ASIC2: variants seen among roughly 807,000 people sequenced by gnomAD.
ASIC2 encodes acid sensing ion channel subunit 2.
Under a neutral mutation model 57.3 loss-of-function variants are expected in ASIC2, and 25 were observed. The observed-to-expected ratio is 0.44, with a 90% CI of 0.32 to 0.61. The LOEUF (loss-of-function observed/expected upper bound fraction) is 0.61. Ranked by LOEUF, ASIC2 falls within the 20% of genes least tolerant of loss-of-function variation. ASIC2 has a pLI of 0.06. For missense variants in ASIC2, 641 were observed against 738.1 expected (o/e 0.87, Z 1.52); for synonymous variants, 319 against 307.5 (o/e 1.04, Z -0.39).
chr17:33,892,864 C>T (rs972363668), intron 1 of ASIC2, among the ~76,000 whole-genome samples: 3 of 152,140 alleles, frequency 2.0e-5, no homozygotes, highest in Non-Finnish European at 2.9e-5. Flanking sequence ...AATAGATTAG[C>T]AGCAGCGAAC....
chr17:33,495,614 A>G (rs1243084647), intron 1 of ASIC2, among the ~76,000 whole-genome samples: 1 of 152,130 alleles, frequency 6.6e-6, no homozygotes, highest in African/African-American at 2.4e-5. Context: ...CAATCCCTTC[A>G]GTAAGTAGGA....
chr17:33,735,413 G>GC (rs1909880977), intron 1 of ASIC2, among the ~76,000 whole-genome samples: 1 of 152,134 alleles, frequency 6.6e-6, no homozygotes, highest in Admixed American at 6.5e-5. Context: ...ATTCCTGACT[G>GC]TTCTTCTGGG....
chr17:33,665,572 G>A (rs576864653), intron 1 of ASIC2, among the ~76,000 whole-genome samples: 4 of 152,196 alleles, frequency 2.6e-5, no homozygotes, highest in Non-Finnish European at 5.9e-5. Flanking sequence ...AAATGTGGCT[G>A]CCAACGCTCT....
chr17:33,897,881 TG>T (rs1326352576), intron 1 of ASIC2, among the ~76,000 whole-genome samples: 2 of 152,178 alleles, frequency 1.3e-5, no homozygotes, highest in Non-Finnish European at 2.9e-5. Flanking sequence ...AAGTTGGAAG[TG>T]GATTTACACC....
chr17:33,644,244 C>T (rs1362584642), intron 1 of ASIC2, among the ~76,000 whole-genome samples: 1 of 152,194 alleles, frequency 6.6e-6, no homozygotes, highest in Admixed American at 6.5e-5. Context: ...GCTTTCCTTG[C>T]TCACCATGGT....
At position 33,560,180 on chromosome 17, in the gene ASIC2, C is replaced by T. The variant is rs533089216; in HGVS notation, c.556-448113G>A. ...TCACAGACAGACAGATGGACATGTG[C>T]GCAGGCAGAGGCAATCATCAATTTG... On this transcript the variant is annotated intron_variant, in intron 1 of 9. Coordinates refer to the ASIC2 transcript ENST00000359872. 1.6e-4 allele frequency among the ~76,000 whole-genome samples: 24 copies of T among 152,242 alleles called. No individual in the cohort carries two copies. The South Asian group carries it at 2.9e-3, about 18-fold the overall frequency.
chr17:33,428,476 C>G (rs1277350502), intron 1 of ASIC2, among the ~76,000 whole-genome samples: 1 of 152,196 alleles, frequency 6.6e-6, no homozygotes, highest in Non-Finnish European at 1.5e-5. Flanking sequence ...GAGTTCTACT[C>G]TGGGATAAGT....
intron 2 of ASIC2, among the ~76,000 whole-genome samples, chr17:33,102,245 A>G (rs572465900): frequency 6.6e-6 from 1 of 152,382 alleles, no homozygotes; most frequent in South Asian, 2.1e-4. Context: ...TGCTGGATAT[A>G]GAATTCTATT....
chr17:33,131,799 GC>G, intron 1 of ASIC2: 1 of 152,368 alleles, frequency 6.6e-6, no homozygotes, highest in South Asian at 2.1e-4. Context: ...CAGTGTGGCT[GC>G]CCCGCTGAAC....
intron 3 of ASIC2, among the ~76,000 whole-genome samples, chr17:33,085,680 C>G (rs1017605945): frequency 8.3e-4 from 127 of 152,306 alleles, no homozygotes; most frequent in African/African-American, 2.5e-3. Context: ...AAAGCCACAA[C>G]ATGAAAGAGA....
At chr17:33,201,958 G>A (rs1906880664) in intron 1 of ASIC2, among the ~76,000 whole-genome samples, 1 of 144,560 alleles carries the variant, frequency 6.9e-6, no homozygotes, top group Non-Finnish European at 1.5e-5. Flanking sequence ...CTGGAGCCCA[G>A]GAGGTGGGGA....
intron 1 of ASIC2, among the ~76,000 whole-genome samples, chr17:33,499,781 G>T (rs1914046979): frequency 6.6e-6 from 1 of 152,216 alleles, no homozygotes; most frequent in Admixed American, 6.5e-5. Context: ...CTGTTGGATT[G>T]CACCTGAAGT....
At chr17:33,072,379 T>TCTCTGAAGTGGAAGCAGAAGC (rs1201243575) in intron 3 of ASIC2, among the ~76,000 whole-genome samples, 156 of 152,156 alleles carry the variant, frequency 1.0e-3, no homozygotes, top group African/African-American at 3.6e-3. Flanking sequence ...GAAGCAGAAG[T>TCTCTGAAGTGGAAGCAGAAGC]CTCTGAAGTG....
At chr17:33,807,967 T>C (rs552954681) in intron 1 of ASIC2, among the ~76,000 whole-genome samples, 1 of 152,402 alleles carries the variant, frequency 6.6e-6, no homozygotes, top group Admixed American at 6.5e-5. Context: ...GCAAATATTT[T>C]TCTCCCAGTA....
At chr17:33,415,531 T>TGA (rs35030035) in intron 1 of ASIC2, among the ~76,000 whole-genome samples, 34,387 of 151,468 alleles carry the variant, frequency 0.23, 4,451 homozygotes, top group East Asian at 0.66. Context: ...TGGATTTTTC[T>TGA]GAGAGAGAGA....
intron 1 of ASIC2, among the ~76,000 whole-genome samples, chr17:33,464,482 C>CTTTCTTTCTT (rs1394086840): frequency 3.8e-4 from 24 of 63,632 alleles, no homozygotes; most frequent in East Asian, 2.4e-3. Context: ...TTTCTTTTCT[C>CTTTCTTTCTT]TCTTTCTTTC....
chr17:33,641,459 A>G (rs1353367139), intron 1 of ASIC2, among the ~76,000 whole-genome samples: 1 of 152,220 alleles, frequency 6.6e-6, no homozygotes, highest in Non-Finnish European at 1.5e-5. Context: ...CCAAAAGGCC[A>G]TAGGAATTTG....
chr17:34,044,130 G>A (rs8068985), intron 1 of ASIC2, among the ~76,000 whole-genome samples: 7,396 of 108,780 alleles, frequency 0.068, 527 homozygotes, highest in African/African-American at 0.23. Context: ...ACACACGCAC[G>A]CACACACACA....
rs556512288 is a variant in ASIC2, at chr17:33,453,053, C to T, written c.556-340986G>A. Among the ~76,000 whole-genome samples the T allele has an allele frequency of 2.6e-5, 4 of 152,274 alleles. No individual in the cohort carries two copies. In the South Asian group the frequency reaches 6.2e-4, roughly 24 times the overall value. On this transcript the variant is annotated intron_variant, in intron 1 of 9. Transcript: ENST00000359872. ...TTAGCACCCTTTCAAACAGCCTCTC[C>T]GAAGGTTGCTAACTTATGCCTATGA... is the stretch of plus-strand genomic sequence containing the variant.
Sources: allele counts gnomAD v4.1 joint callset (sites outside exome capture counted in the v4.1 genomes callset), GRCh38; gene constraint gnomAD v4.1.1; transcripts MANE v1.5; gene names NCBI Gene and HGNC (gene_info 2026-07-23, HGNC 2026-07-21).